The following RPS24 variants were observed in gnomAD, a reference collection of about 807,000 sequenced individuals.
RPS24 encodes small ribosomal subunit protein eS24.
For missense variants in RPS24, 100 were observed against 162.5 expected (o/e 0.62, Z 2.09); for synonymous variants, 72 against 55.6 (o/e 1.30, Z -1.31).
At chr10:78,055,142 C>A in exon 5 of RPS24, 1 of 1,356,972 alleles carries the variant, frequency 7.4e-7, no homozygotes, top group Non-Finnish European at 9.5e-7. Context: ...CAGAACCCTC[C>A]AGGGCTCCAC....
chr10:78,034,764 G>A (rs1847824459), intron 1 of RPS24, among the ~76,000 whole-genome samples: 2 of 152,360 alleles, frequency 1.3e-5, no homozygotes, highest in Admixed American at 1.3e-4. Context: ...TAGAAGGATA[G>A]ATTACATGTA....
At chr10:78,049,928 A>G (rs1158862183) in intron 4 of RPS24, among the ~76,000 whole-genome samples, 3 of 152,226 alleles carry the variant, frequency 2.0e-5, no homozygotes, top group Non-Finnish European at 4.4e-5. Flanking sequence ...TTGGGGGACA[A>G]TGACCAGTCT....
At position 78,033,967 on chromosome 10, in the gene RPS24, T is replaced by G; in HGVS notation, c.3+63T>G. 5 of 1,600,970 alleles carry G rather than the reference T, an allele frequency of 3.1e-6. No individual in the cohort carries two copies. In the South Asian group the frequency reaches 5.5e-5, roughly 18 times the overall value. On this transcript the variant is annotated intron_variant, in intron 1 of 5. Transcript: ENST00000372360. ...ATCCGAGCCATCCGTGGTCCCTGGG[T>G]CCCAGTACTTGAGCTATAGGCACGC...
intron 1 of RPS24, 170 bp downstream of exon 1, chr10:78,034,074 C>A: frequency 1.3e-6 from 1 of 757,444 alleles, no homozygotes; most frequent in Non-Finnish European, 2.3e-6. Flanking sequence ...GGCGTCCGGG[C>A]TGGCGGGCTG....
downstream of RPS24, among the ~76,000 whole-genome samples, chr10:78,045,278 C>T (rs1288451903): frequency 6.6e-6 from 1 of 152,106 alleles, no homozygotes; most frequent in Non-Finnish European, 1.5e-5. Flanking sequence ...TGAGGCACCG[C>T]GCCTGGCCCC....
intron 4 of RPS24, among the ~76,000 whole-genome samples, chr10:78,051,522 C>G (rs184307625): frequency 1.3e-5 from 2 of 152,296 alleles, no homozygotes; most frequent in Admixed American, 1.3e-4. Context: ...TTTGGCTATT[C>G]TGAATAATTT....
At position 78,039,709 on chromosome 10, in the gene RPS24, G is replaced by A. The variant is rs191446376; in HGVS notation, c.391-495G>A. 136 of 168,768 alleles carry A rather than the reference G, an allele frequency of 8.1e-4. 1 individual carries two copies. Among genetic ancestry groups the A allele is most frequent in the Non-Finnish European group, 5.9e-4 (46 of 77,758 alleles). The allele number at this position is 168,768 out of a possible 1,614,324, so 10.5% of individuals were successfully genotyped here. A position where few individuals can be genotyped will look rare whatever the true frequency, so the allele number is the denominator to read the frequency against. On this transcript the variant is annotated intron_variant, in intron 4 of 5. Transcript: ENST00000372360. ...TTAAATACTAACTTGTACTACTTTT[G>A]TGGCTGTGAATGGTATCTTTTATTG... is the stretch of plus-strand genomic sequence containing the variant.
At chr10:78,042,671 A>G (rs117859889), downstream of RPS24, among the ~76,000 whole-genome samples, 1 of 152,180 alleles carries the variant, frequency 6.6e-6, no homozygotes, top group Non-Finnish European at 1.5e-5. Context: ...TCAGCTTGTC[A>G]CTGATGGGAA....
At chr10:78,055,323 A>C in exon 5 of RPS24, 1 of 288,380 alleles carries the variant, frequency 3.5e-6, no homozygotes, top group Non-Finnish European at 6.3e-6. Context: ...TTTCTTGTTT[A>C]TTGGTATTTT....
chr10:78,054,658 C>T (rs760003090), exon 5 of RPS24: 20 of 1,551,536 alleles, frequency 1.3e-5, no homozygotes, highest in Admixed American at 5.9e-5. Context: ...GTGCCAGGAC[C>T]GTGGAGCGTG....
At chr10:78,040,094 C>G in intron 4 of RPS24, 110 bp from the exon 5 acceptor site, 1 of 972,052 alleles carries the variant, frequency 1.0e-6, no homozygotes, top group Non-Finnish European at 1.7e-6. Context: ...CTTTAAGGTA[C>G]CTGATTGCAT....
chr10:78,043,155 C>T (rs1039765141), downstream of RPS24, among the ~76,000 whole-genome samples: 3 of 152,146 alleles, frequency 2.0e-5, no homozygotes, highest in African/African-American at 7.2e-5. Context: ...AGGTGCCCGC[C>T]ACCATGCCCG....
Position 78,033,897 on chromosome 10 carries a change from C to T in RPS24, c.-5C>T, listed in dbSNP as rs373801561. 100 of 1,614,106 alleles carry T rather than the reference C, an allele frequency of 6.2e-5. 2 individuals are homozygous for T. In the South Asian group the frequency reaches 7.2e-4, roughly 12 times the overall value. On this transcript the variant is annotated 5_prime_UTR_variant, in exon 1 of 6. Coordinates refer to ENST00000372360, the MANE Select transcript of RPS24 (RefSeq NM_033022.4). The stretch of plus-strand genomic sequence containing the variant: ...TCCTTGGCTGTCTGAAGATAGATCG[C>T]CATCATGGTGAGTCTCCCTGGGCCC...
In RPS24 at chr10:78,047,795, G is replaced by A. The variant is rs117905845; in HGVS notation, c.391-6736G>A. On this transcript the variant is annotated intron_variant, in intron 4 of 4. Transcript: ENST00000440692. The stretch of plus-strand genomic sequence containing the variant: ...GTTTCTATTGGGGGAGGTGGGGGCC[G>A]AAGGCTGGGAACCCCAGCAGCCCGA... Among the ~76,000 whole-genome samples, 8 of 152,304 alleles carry A rather than the reference G, an allele frequency of 5.3e-5. No individual in the cohort carries two copies. The East Asian group carries it at 1.4e-3, about 26-fold the overall frequency.
chr10:78,033,950 C>T, intron 1 of RPS24, 46 bp downstream of exon 1: 3 of 1,612,428 alleles, frequency 1.9e-6, no homozygotes, highest in South Asian at 1.1e-5. Context: ...GTATCCGAGC[C>T]ATCCGTGGTC....
exon 5 of RPS24, chr10:78,054,777 A>T (rs771529201): frequency 3.2e-6 from 5 of 1,551,574 alleles, no homozygotes; most frequent in Non-Finnish European, 4.4e-6. Context: ...CCTTTTGGAG[A>T]GGGCACTGGT....
At chr10:78,034,230 A>G (rs996365096) in intron 1 of RPS24, 421 of 513,056 alleles carry the variant, frequency 8.2e-4, no homozygotes, top group Non-Finnish European at 1.2e-3. Context: ...TCTCGTCTGC[A>G]GTTCCTCATT....
intron 3 of RPS24, chr10:78,036,099 T>A (rs149418498): frequency 2.2e-4 from 72 of 334,398 alleles, no homozygotes; most frequent in African/African-American, 1.4e-3. Flanking sequence ...TTTTTGATTG[T>A]ATACTGAGTG....
At chr10:78,042,306 C>T (rs137946094), downstream of RPS24, among the ~76,000 whole-genome samples, 1 of 152,360 alleles carries the variant, frequency 6.6e-6, no homozygotes, top group Non-Finnish European at 1.5e-5. Context: ...GCCTGCTTCT[C>T]TTCCATCTAG....
Sources: gnomAD v4.1 joint callset for allele counts (sites outside exome capture counted in the v4.1 genomes callset) on GRCh38, gnomAD v4.1.1 for gene constraint, MANE v1.5 for transcripts, NCBI Gene and HGNC (gene_info 2026-07-23, HGNC 2026-07-21) for gene names.